The following CACNG2 variants were observed in gnomAD, a reference collection of about 807,000 sequenced individuals.
CACNG2 encodes voltage-dependent calcium channel gamma-2 subunit.
Under a neutral mutation model 25.9 loss-of-function variants are expected in CACNG2, and 3 were observed. The observed-to-expected ratio is 0.12, with a 90% CI of 0.05 to 0.30. The LOEUF is 0.30. CACNG2 is among the 10% of genes least tolerant of loss of function. The probability of loss-of-function intolerance (pLI) is 1.00; values close to 1 mark genes in which losing one functional copy is unlikely to be tolerated. For synonymous variants in CACNG2, 167 were observed against 173.3 expected (o/e 0.96, Z 0.29); for missense variants, 341 against 432.5 (o/e 0.79, Z 1.88).
chr22:36,663,905 G>A (rs1304683657), intron 1 of CACNG2, among the ~76,000 whole-genome samples: 1 of 152,196 alleles, frequency 6.6e-6, no homozygotes, highest in Non-Finnish European at 1.5e-5. Flanking sequence ...AAGAGGCTCG[G>A]AAGGAACCAG....
intron 1 of CACNG2, among the ~76,000 whole-genome samples, chr22:36,648,886 G>A (rs1029272344): frequency 2.6e-5 from 4 of 151,732 alleles, no homozygotes; most frequent in African/African-American, 4.8e-5. Flanking sequence ...TCTCTAACCC[G>A]CCATGCAAAG....
chr22:36,564,334 G>T lies in CACNG2; in HGVS notation c.*17C>A. 1 of 1,605,272 alleles carries T rather than the reference G, an allele frequency of 6.2e-7. No homozygotes were observed. The highest frequency in any genetic ancestry group is 1.1e-5 in the South Asian group (1 of 89,974). On this transcript the variant is annotated 3_prime_UTR_variant, in exon 4 of 4. Transcript: ENST00000300105. This position sits in a 1 kb window ranked among gnomAD's most constrained non-coding sequence, Gnocchi z 6.7. ...CCGCGCCCTCCTCCCGCGGTCTTCT[G>T]GCGAGGCCCGCGGTCTTTATACGGG... is the stretch of plus-strand genomic sequence containing the variant.
At chr22:36,651,239 T>TC (rs1936610093) in intron 1 of CACNG2, among the ~76,000 whole-genome samples, 1 of 143,778 alleles carries the variant, frequency 7.0e-6, no homozygotes. Flanking sequence ...TTTTTTTTTT[T>TC]TTTTTTTTTG....
chr22:36,690,671 C>T (rs1167916916), intron 1 of CACNG2, among the ~76,000 whole-genome samples: 1 of 152,162 alleles, frequency 6.6e-6, no homozygotes, highest in Non-Finnish European at 1.5e-5. Flanking sequence ...TCCAAGGGAA[C>T]ATAGCTCATA....
chr22:36,571,888 A>AC (rs1418781797), intron 2 of CACNG2, among the ~76,000 whole-genome samples: 1 of 126,576 alleles, frequency 7.9e-6, no homozygotes, highest in African/African-American at 2.9e-5. Flanking sequence ...AAAACAAAAA[A>AC]AAAAAAAAAA....
intron 1 of CACNG2, among the ~76,000 whole-genome samples, chr22:36,592,626 C>T (rs1211987764): frequency 1.3e-5 from 2 of 152,154 alleles, no homozygotes; most frequent in Non-Finnish European, 2.9e-5. Flanking sequence ...TTCTAATAAG[C>T]CCCAAATCAC....
At chr22:36,666,765 G>A (rs1412483821) in intron 1 of CACNG2, among the ~76,000 whole-genome samples, 1 of 151,806 alleles carries the variant, frequency 6.6e-6, no homozygotes, top group Non-Finnish European at 1.5e-5. Context: ...GCCTTCAGAG[G>A]GAACCATACT....
chr22:36,571,278 G>A (rs34153580), intron 2 of CACNG2, among the ~76,000 whole-genome samples: 13,396 of 151,834 alleles, frequency 0.088, 651 homozygotes, highest in Middle Eastern at 0.13. Context: ...CCAGCATGGC[G>A]AAACCTTGCT....
At chr22:36,645,775 T>C (rs1936514293) in intron 1 of CACNG2, among the ~76,000 whole-genome samples, 1 of 151,848 alleles carries the variant, frequency 6.6e-6, no homozygotes, top group Admixed American at 6.6e-5. Flanking sequence ...ACATAAAGGG[T>C]TTCTTCTTTC....
intron 2 of CACNG2, among the ~76,000 whole-genome samples, chr22:36,571,793 C>T (rs1293096217): frequency 3.3e-5 from 5 of 151,088 alleles, no homozygotes; most frequent in South Asian, 2.1e-4. Context: ...AGGAGAATCG[C>T]TTGAACGCGG....
chr22:36,645,198 A>G (rs1382315878), intron 1 of CACNG2, among the ~76,000 whole-genome samples: 1 of 152,196 alleles, frequency 6.6e-6, no homozygotes, highest in Non-Finnish European at 1.5e-5. Flanking sequence ...GCTCCCTCAC[A>G]GGAATGTTAG....
intron 1 of CACNG2, among the ~76,000 whole-genome samples, chr22:36,695,875 T>G (rs1937332823): frequency 6.6e-6 from 1 of 152,178 alleles, no homozygotes; most frequent in South Asian, 2.1e-4. Context: ...GGCCTAGTGC[T>G]TGGCGCTTTA....
At chr22:36,698,517 G>C (rs796813843) in intron 1 of CACNG2, among the ~76,000 whole-genome samples, 1 of 152,130 alleles carries the variant, frequency 6.6e-6, no homozygotes, top group Non-Finnish European at 1.5e-5. Context: ...TGAGCCGAGC[G>C]TGGAGCACTG....
intron 1 of CACNG2, among the ~76,000 whole-genome samples, chr22:36,625,834 C>T (rs1170248824): frequency 6.6e-6 from 1 of 152,180 alleles, no homozygotes; most frequent in Non-Finnish European, 1.5e-5. Flanking sequence ...CAGAAACAGG[C>T]AATGCTGCTT....
chr22:36,680,642 A>T, intron 1 of CACNG2, among the ~76,000 whole-genome samples: 2 of 126,360 alleles, frequency 1.6e-5, no homozygotes, highest in African/African-American at 6.0e-5. Context: ...TAACACCACC[A>T]TCATTATCAC....
intron 1 of CACNG2, among the ~76,000 whole-genome samples, chr22:36,660,580 G>A (rs930816184): frequency 6.6e-6 from 1 of 152,218 alleles, no homozygotes; most frequent in African/African-American, 2.4e-5. Context: ...ACACAAAGAC[G>A]CTGCTACTTT....
chr22:36,596,832 G>A (rs1428792709), intron 1 of CACNG2, among the ~76,000 whole-genome samples: 1 of 151,508 alleles, frequency 6.6e-6, no homozygotes, highest in Non-Finnish European at 1.5e-5. Context: ...ATCATGGCTC[G>A]CTGCAGCCTT....
chr22:36,644,861 C>T (rs1936495340), intron 1 of CACNG2, among the ~76,000 whole-genome samples: 1 of 151,918 alleles, frequency 6.6e-6, no homozygotes, highest in Non-Finnish European at 1.5e-5. Context: ...GGCAAAATTT[C>T]TTGGTAATGG....
chr22:36,606,647 G>C lies in CACNG2; in HGVS notation c.212-19099C>G, dbSNP rs1268147512. ...AGTAAAAATTGGCAGATGAAAGGGAGGGCAGGGAGGTGTTTGAGAGAAGAG... is the reference window on the plus strand; with the variant it reads ...AGTAAAAATTGGCAGATGAAAGGGACGGCAGGGAGGTGTTTGAGAGAAGAG... On this transcript the variant is annotated intron_variant, in intron 1 of 3. Coordinates refer to ENST00000300105, the MANE Select transcript of CACNG2 (RefSeq NM_006078.5). This position sits in a 1 kb window ranked among gnomAD's most constrained non-coding sequence, Gnocchi z 5.7. 3.3e-5 allele frequency among the ~76,000 whole-genome samples: 5 copies of C among 152,110 alleles called. No individual in the cohort carries two copies. Among genetic ancestry groups the C allele is most frequent in the African/African-American group, 7.2e-5 (3 of 41,408 alleles).
Sources: allele counts gnomAD v4.1 joint callset (sites outside exome capture counted in the v4.1 genomes callset), GRCh38; gene constraint gnomAD v4.1.1; non-coding constraint Gnocchi (gnomAD v3.1); transcripts MANE v1.5; gene names NCBI Gene and HGNC (gene_info 2026-07-23, HGNC 2026-07-21).